The following GPAM variants were observed in gnomAD, a reference collection of about 807,000 sequenced individuals.
The protein encoded by GPAM is glycerol-3-phosphate acyltransferase 1, mitochondrial.
Under a neutral mutation model 105.0 loss-of-function variants are expected in GPAM, and 56 were observed. The ratio of observed to expected loss-of-function variants is 0.53; its 90% CI spans 0.43 to 0.67. The LOEUF (loss-of-function observed/expected upper bound fraction) is 0.67, where lower values mean the gene tolerates loss of function less well. Ranked by LOEUF, GPAM falls within the 30% of genes least tolerant of loss-of-function variation. GPAM has a pLI of 0.00. For synonymous variants in GPAM, 368 were observed against 354.4 expected (o/e 1.04, Z -0.43); for missense variants, 855 against 989.8 (o/e 0.86, Z 1.83).
At chr10:112,186,403 TAAAG>T (rs1196527160), upstream of GPAM, among the ~76,000 whole-genome samples, 4 of 151,906 alleles carry the variant, frequency 2.6e-5, no homozygotes, top group African/African-American at 4.8e-5. Context: ...TAAGCAATGT[TAAAG>T]AAAGTCTTTC....
intron 4 of GPAM, among the ~76,000 whole-genome samples, chr10:112,179,370 A>C (rs1847465258): frequency 6.6e-6 from 1 of 152,218 alleles, no homozygotes; most frequent in Admixed American, 6.5e-5. Context: ...TAGATGTCAG[A>C]TCTAAAAAGA....
At chr10:112,174,552 T>C (rs866680797) in intron 6 of GPAM, among the ~76,000 whole-genome samples, 4 of 152,220 alleles carry the variant, frequency 2.6e-5, no homozygotes, top group South Asian at 4.1e-4. Context: ...ATGAAATAAA[T>C]GTACTTGAAG....
chr10:112,162,995 G>A (rs1050898596), intron 14 of GPAM, among the ~76,000 whole-genome samples: 1 of 152,150 alleles, frequency 6.6e-6, no homozygotes, highest in South Asian at 2.1e-4. Flanking sequence ...TTGGCAGGGG[G>A]TGCGGAGAGT....
At chr10:112,222,663 C>T in the GPAM span, among the ~76,000 whole-genome samples, 1 of 152,174 alleles carries the variant, frequency 6.6e-6, no homozygotes, top group Non-Finnish European at 1.5e-5. Context: ...CTGATAACTT[C>T]AGGCTACTCC....
At position 112,170,916 on chromosome 10, in the gene GPAM, T is replaced by C. The variant is rs539848130; in HGVS notation, c.794+1266A>G. ...ACAAGAGTCTGGTTAGCTACAGAAC[T>C]CTGAAAGCCTATAGAACTCTGAACC... On this transcript the variant is annotated intron_variant, in intron 9 of 21. Coordinates refer to ENST00000348367, the MANE Select transcript of GPAM (RefSeq NM_001244949.2). 1.3e-5 allele frequency among the ~76,000 whole-genome samples: 2 copies of C among 152,266 alleles called. 1 individual carries two copies. The highest frequency in any genetic ancestry group is 1.3e-4 in the Admixed American group (2 of 15,302).
chr10:112,184,003 G>A (rs1847559011), upstream of GPAM, among the ~76,000 whole-genome samples: 1 of 152,218 alleles, frequency 6.6e-6, no homozygotes, highest in Admixed American at 6.5e-5. Flanking sequence ...TCTGCTTTGT[G>A]TAAATTCAGC....
In GPAM at chr10:112,177,997, C is replaced by T. The variant is rs1477354296; in HGVS notation, c.286G>A (p.Glu96Lys). The T allele has an allele frequency of 1.5e-5, 23 of 1,584,550 alleles. No homozygotes were observed. Among genetic ancestry groups the T allele is most frequent in the Non-Finnish European group, 2.0e-5 (23 of 1,153,790 alleles). ...ATTTCTTTTTACCTTGTGTGAGTTT[C>T]ATTGATATAAATAACATTCCGCAAA... ...LGLRNVIYIN[E>K]THTRHRGWLA... is the part of the protein sequence containing the mutation. Residue 96 changes from glutamate to lysine, a missense_variant, in exon 5 of 22, where the codon GAA (glutamate) becomes AAA (lysine). By Grantham distance (56) the Glu-to-Lys change is moderately conservative. Transcript: ENST00000348367.
At position 112,163,637 on chromosome 10, in the gene GPAM, A is replaced by G. The variant is rs112854743; in HGVS notation, c.1423+64T>C. On this transcript the variant is annotated intron_variant, in intron 14 of 21. Coordinates refer to ENST00000348367, the MANE Select transcript of GPAM (RefSeq NM_001244949.2). ...AACCTCAGCAGATTCCAAAATCTGT[A>G]TAGTTTGCACCATACCATGATGAAT... The G allele has an allele frequency of 8.4e-4, 700 of 833,292 alleles. 5 individuals carry two copies. In the African/African-American group the frequency reaches 9.9e-3, roughly 12 times the overall value. The allele number at this position is 833,292 out of a possible 1,614,324, so 51.6% of individuals were successfully genotyped here. A position where few individuals can be genotyped will look rare whatever the true frequency, so the allele number is the denominator to read the frequency against.
chr10:112,181,911 G>A, intron 2 of GPAM, 98 bp from the exon 3 acceptor site: 1 of 677,186 alleles, frequency 1.5e-6, no homozygotes, highest in Non-Finnish European at 2.7e-6. Flanking sequence ...TCCACAATGG[G>A]ATATCACATG....
In GPAM at chr10:112,161,731, C is replaced by G. The variant is rs748464378; in HGVS notation, c.1430G>C (p.Ser477Thr). 9 of 1,614,038 alleles carry G rather than the reference C, an allele frequency of 5.6e-6. No individual in the cohort carries two copies. Among genetic ancestry groups the G allele is most frequent in the Middle Eastern group, 3.3e-4 (2 of 6,062 alleles). Residue 477 changes from serine (S) to threonine (T), a missense_variant, in exon 15 of 22, where the codon AGC (serine) becomes ACC (threonine). Transcript: ENST00000348367. ...TGTGGACATAATGGCACAGGACTTG[C>G]TAGCAGCTGGAAGGCAAACACAAAG... is the stretch of plus-strand genomic sequence containing the variant. The part of the protein sequence containing the change: ...NLAEHILFTA[S>T]KSCAIMSTHI...
In GPAM at chr10:112,166,399, C is replaced by G; in HGVS notation, c.1221+3G>C. On this transcript the variant is annotated splice_donor_region_variant and intron_variant, in intron 12 of 21. Coordinates refer to ENST00000348367, the MANE Select transcript of GPAM (RefSeq NM_001244949.2). ...ACATGGTTTCATTTCAACAGACACT[C>G]ACCTTTAAGGAAAATGGCTGTGCAA... is the stretch of plus-strand genomic sequence containing the variant. 2.0e-6 allele frequency: 3 copies of G among 1,503,644 alleles called. No homozygotes were observed. Among genetic ancestry groups the G allele is most frequent in the Non-Finnish European group, 2.8e-6 (3 of 1,079,288 alleles). The allele number at this position is 1,503,644 out of a possible 1,614,324, so 93.1% of individuals were successfully genotyped here. A position where few individuals can be genotyped will look rare whatever the true frequency, so the allele number is the denominator to read the frequency against.
At chr10:112,165,933 T>A (rs993212262) in intron 12 of GPAM, among the ~76,000 whole-genome samples, 1 of 152,210 alleles carries the variant, frequency 6.6e-6, no homozygotes, top group African/African-American at 2.4e-5. Context: ...TATTTTGATA[T>A]CTATATACAA....
At chr10:112,191,520 C>A (rs930629862) in intron 1 of GPAM, among the ~76,000 whole-genome samples, 1 of 152,202 alleles carries the variant, frequency 6.6e-6, no homozygotes, top group African/African-American at 2.4e-5. Flanking sequence ...TTTTTAACTA[C>A]TGTTTGCTTG....
chr10:112,221,681 C>G, the GPAM span, among the ~76,000 whole-genome samples: 1 of 139,972 alleles, frequency 7.1e-6, no homozygotes, highest in Non-Finnish European at 1.5e-5. Context: ...TCATTGTATA[C>G]CCCAGAACAG....
At chr10:112,183,210 T>C (rs1458273159) in intron 1 of GPAM, among the ~76,000 whole-genome samples, 1 of 152,240 alleles carries the variant, frequency 6.6e-6, no homozygotes. Context: ...GGCAGAATGA[T>C]AGCTCTTAAC....
chr10:112,222,020 TGATATGATGTCTGGG>T, the GPAM span, among the ~76,000 whole-genome samples: 2 of 152,146 alleles, frequency 1.3e-5, no homozygotes, highest in East Asian at 3.8e-4. Context: ...ACCAGTGAAA[TGATATGATGTCTGGG>T]GATTTGTTCC....
At chr10:112,165,870 C>T (rs1847207200) in intron 12 of GPAM, among the ~76,000 whole-genome samples, 2 of 151,768 alleles carry the variant, frequency 1.3e-5, no homozygotes, top group East Asian at 3.9e-4. Flanking sequence ...ATTTTTTTGA[C>T]TTTTGGGGTT....
At chr10:112,219,706 G>C (rs1426487041), upstream of GPAM, among the ~76,000 whole-genome samples, 1 of 152,144 alleles carries the variant, frequency 6.6e-6, no homozygotes, top group Non-Finnish European at 1.5e-5. Context: ...TGTGTTTGCA[G>C]CATACATGAA....
chr10:112,225,790 A>G, the GPAM span, among the ~76,000 whole-genome samples: 5 of 152,156 alleles, frequency 3.3e-5, no homozygotes, highest in African/African-American at 4.8e-5. Flanking sequence ...TCTATCAACT[A>G]TCCCCCTCCA....
Sources: gnomAD v4.1 joint callset for allele counts (sites outside exome capture counted in the v4.1 genomes callset) on GRCh38, gnomAD v4.1.1 for gene constraint, MANE v1.5 for transcripts, NCBI Gene and HGNC (gene_info 2026-07-23, HGNC 2026-07-21) for gene names.